KIF15: variants seen among roughly 807,000 people sequenced by gnomAD.
KIF15 encodes kinesin-like protein KIF15.
A neutral mutation model predicts 190.6 loss-of-function variants in KIF15; 140 were observed. The ratio of observed to expected loss-of-function variants is 0.73; its 90% CI spans 0.64 to 0.84. KIF15 has a LOEUF of 0.84. Among genes scored for constraint, KIF15 ranks in the 40% least tolerant of loss-of-function variants. The probability of loss-of-function intolerance (pLI) is 0.00; values close to 1 mark genes in which losing one functional copy is unlikely to be tolerated. For missense variants in KIF15, 1,372 were observed against 1,584.4 expected, an observed-to-expected ratio of 0.87 and a Z score of 2.28; for synonymous variants, 528 against 551.3, an observed-to-expected ratio of 0.96 and a Z score of 0.59.
chr3:44,840,223 G>A, intron 27 of KIF15, 132 bp from the exon 28 acceptor site: 1 of 560,198 alleles, frequency 1.8e-6, no homozygotes, highest in Non-Finnish European at 3.1e-6. Context: ...CCTATCAGGT[G>A]CGAAGTGATA....
Position 44,776,250 on chromosome 3 carries a change from T to C in KIF15, c.246+813T>C, listed in dbSNP as rs532788297. On this transcript the variant is annotated intron_variant, in intron 3 of 34. Transcript: ENST00000326047. ...AATGACAAAAGCCTTCTTTTTTTTT[T>C]TTCCCCCCACTAAGTGATAGGAAAT... Among the ~76,000 whole-genome samples the C allele has an allele frequency of 2.6e-5, 4 of 151,986 alleles. No individual in the cohort carries two copies. The East Asian group carries it at 5.8e-4, about 22-fold the overall frequency.
intron 16 of KIF15, among the ~76,000 whole-genome samples, chr3:44,809,681 C>CA (rs1014831612): frequency 0.016 from 2,087 of 133,954 alleles, 27 homozygotes; most frequent in African/African-American, 0.046. Flanking sequence ...CCTACCTCTG[C>CA]AAAAAAAAAA....
chr3:44,770,763 CAG>C (rs986073532), intron 1 of KIF15, among the ~76,000 whole-genome samples: 3 of 151,620 alleles, frequency 2.0e-5, no homozygotes, highest in African/African-American at 4.8e-5. Flanking sequence ...AGAAGCCAGG[CAG>C]AGAGAGAGAG....
chr3:44,859,302 A>T (rs1699216492), intron 6 of KIF15, among the ~76,000 whole-genome samples: 1 of 152,100 alleles, frequency 6.6e-6, no homozygotes, highest in South Asian at 2.1e-4. Context: ...CCTTTACTCT[A>T]TTATTGTACA....
intron 3 of KIF15, among the ~76,000 whole-genome samples, chr3:44,776,610 G>T (rs140974478): frequency 6.6e-6 from 1 of 152,146 alleles, no homozygotes; most frequent in African/African-American, 2.4e-5. Flanking sequence ...GGAGCCAGTG[G>T]ATGATTGAGA....
intron 29 of KIF15, among the ~76,000 whole-genome samples, chr3:44,842,675 A>C (rs1559589088): frequency 6.6e-6 from 1 of 152,214 alleles, no homozygotes; most frequent in Non-Finnish European, 1.5e-5. Flanking sequence ...ATCCAAAAGG[A>C]TATTCCTTGC....
chr3:44,827,507 G>A lies in KIF15; in HGVS notation c.2835G>A (p.Glu945=). Residue 945 remains glutamate, a synonymous_variant, in exon 23 of 35, where the codon GAG becomes GAA. Transcript: ENST00000326047. ...CTGTACGTCAGGAGAAACAGAAAGA[G>A]ACGGCCAAGTGTGAGCAGCAGGTAA... ...LEAVRQEKQK[E]TAKCEQQMAK... is the part of the protein sequence containing the mutation. The A allele has an allele frequency of 6.2e-7, 1 of 1,612,038 alleles. No homozygotes were observed. Among genetic ancestry groups the A allele is most frequent in the Non-Finnish European group, 8.5e-7 (1 of 1,178,286 alleles).
At chr3:44,807,399 A>G (rs1015971581) in intron 16 of KIF15, among the ~76,000 whole-genome samples, 3 of 151,694 alleles carry the variant, frequency 2.0e-5, no homozygotes, top group South Asian at 2.1e-4. Flanking sequence ...TGATTTTTGT[A>G]TTTTTAGTAG....
chr3:44,762,432 TTCTTTC>T (rs1261511664), intron 1 of KIF15, among the ~76,000 whole-genome samples: 1 of 152,252 alleles, frequency 6.6e-6, no homozygotes, highest in Non-Finnish European at 1.5e-5. Flanking sequence ...CCCGTCCGAT[TTCTTTC>T]TCTTTTTCAC....
chr3:44,776,584 T>C (rs1705902554), intron 3 of KIF15, among the ~76,000 whole-genome samples: 1 of 152,194 alleles, frequency 6.6e-6, no homozygotes, highest in African/African-American at 2.4e-5. Context: ...TGGAGGTTAG[T>C]GAAGATGCAC....
chr3:44,827,317 C>T, intron 22 of KIF15, 142 bp from the exon 23 acceptor site: 2 of 598,540 alleles, frequency 3.3e-6, no homozygotes, highest in South Asian at 2.3e-5. Context: ...GTTCAAATTT[C>T]TGATCCCCCC....
chr3:44,813,752 A>G (rs910354796), intron 19 of KIF15, among the ~76,000 whole-genome samples: 2 of 150,544 alleles, frequency 1.3e-5, no homozygotes, highest in African/African-American at 4.9e-5. Context: ...GTCTCCTCCC[A>G]AGTAGCTGGG....
At chr3:44,842,641 C>T (rs565056651) in intron 29 of KIF15, among the ~76,000 whole-genome samples, 3 of 152,206 alleles carry the variant, frequency 2.0e-5, no homozygotes, top group African/African-American at 7.2e-5. Flanking sequence ...TCAGGTGAAA[C>T]GAAATCAGAT....
At chr3:44,840,827 C>T (rs1448278178) in intron 28 of KIF15, among the ~76,000 whole-genome samples, 1 of 97,852 alleles carries the variant, frequency 1.0e-5, no homozygotes, top group South Asian at 4.4e-4. Context: ...CACTGCCACG[C>T]CTGGCTAATT....
chr3:44,778,272 G>A lies in KIF15; in HGVS notation c.323+81G>A, dbSNP rs184026114. The A allele has an allele frequency of 8.1e-6, 9 of 1,110,002 alleles. No homozygotes were observed. The East Asian group carries it at 1.7e-4, about 20-fold the overall frequency. The allele number at this position is 1,110,002 out of a possible 1,614,324, so 68.8% of individuals were successfully genotyped here. A position where few individuals can be genotyped will look rare whatever the true frequency, so the allele number is the denominator to read the frequency against. On this transcript the variant is annotated intron_variant, in intron 4 of 34. Coordinates refer to ENST00000326047, the MANE Select transcript of KIF15 (RefSeq NM_020242.3). ...GCTGTTGTAACAAATTACCACAAAC[G>A]TAGTGGCTTAAAACAACACAAATGT...
chr3:44,776,137 CAAAT>C (rs1378873554), intron 3 of KIF15, among the ~76,000 whole-genome samples: 2 of 150,746 alleles, frequency 1.3e-5, no homozygotes, highest in Non-Finnish European at 2.9e-5. Context: ...TCATCCGTCT[CAAAT>C]AAGGAGACTG....
intron 32 of KIF15, among the ~76,000 whole-genome samples, chr3:44,851,269 A>C (rs1699049018): frequency 6.6e-6 from 1 of 151,598 alleles, no homozygotes; most frequent in Non-Finnish European, 1.5e-5. Flanking sequence ...CTGTCCCTAA[A>C]GGGGGGTGGG....
In KIF15 at chr3:44,778,154, T is replaced by G. The variant is rs1293964479; in HGVS notation, c.286T>G (p.Ser96Ala). 6.2e-7 allele frequency: 1 copy of G among 1,614,012 alleles called. No individual in the cohort carries two copies. Among genetic ancestry groups the G allele is most frequent in the African/African-American group, 1.3e-5 (1 of 75,040 alleles). Reference sequence around the variant, plus strand: ...AACTGTGGCTAAAAGCATTGTGGAGTCTTGCATGAGCGGTTATAATGGTAC... The same window carrying G: ...AACTGTGGCTAAAAGCATTGTGGAGGCTTGCATGAGCGGTTATAATGGTAC... ...FATVAKSIVESCMSGYNGTIF... is the reference protein window; with the variant it reads ...FATVAKSIVEACMSGYNGTIF... The change falls in exon 4 of 35, where the codon TCT (serine) becomes GCT (alanine). Residue 96 changes from serine to alanine, a missense_variant. Transcript: ENST00000326047.
At chr3:44,846,583 A>G (rs1055729552) in intron 30 of KIF15, among the ~76,000 whole-genome samples, 6 of 151,698 alleles carry the variant, frequency 4.0e-5, no homozygotes, top group Non-Finnish European at 8.8e-5. Context: ...GACCAGCCTG[A>G]CTAACATGGT....
Sources: gnomAD v4.1 joint callset for allele counts (sites outside exome capture counted in the v4.1 genomes callset) on GRCh38, gnomAD v4.1.1 for gene constraint, MANE v1.5 for transcripts, NCBI Gene and HGNC (gene_info 2026-07-23, HGNC 2026-07-21) for gene names.